Variants in ERO1A observed in about 807,000 individuals in gnomAD.
ERO1A encodes endoplasmic reticulum oxidoreductase 1 alpha.
ERO1A carries 49 observed loss-of-function variants against 76.9 expected under a neutral mutation model. That is an observed-to-expected ratio of 0.64 (90% CI 0.51 to 0.81). The LOEUF (loss-of-function observed/expected upper bound fraction) is 0.81. Among genes scored for constraint, ERO1A ranks in the 30% least tolerant of loss-of-function variants. The pLI is 0.00. For synonymous variants in ERO1A, 174 were observed against 181.2 expected, an observed-to-expected ratio of 0.96 and a Z score of 0.32; for missense variants, 448 against 542.1, an observed-to-expected ratio of 0.83 and a Z score of 1.72.
At chr14:52,658,209 CAA>C (rs748473341) in intron 9 of ERO1A, 59 bp from the exon 10 acceptor site, 2 of 1,274,636 alleles carry the variant, frequency 1.6e-6, no homozygotes, top group Non-Finnish European at 2.2e-6. Context: ...ACAAGTTTTT[CAA>C]AAGTTTTAAA....
intron 8 of ERO1A, among the ~76,000 whole-genome samples, chr14:52,663,559 C>T (rs1285940524): frequency 6.7e-6 from 1 of 149,854 alleles, no homozygotes; most frequent in Non-Finnish European, 1.5e-5. Context: ...AAAGTCACGC[C>T]ACTGCACTCC....
chr14:52,695,307 C>A, intron 1 of ERO1A, 61 bp downstream of exon 1: 2 of 1,162,850 alleles, frequency 1.7e-6, no homozygotes, highest in South Asian at 2.3e-5. Flanking sequence ...CCAGGGCGTG[C>A]GGGACAGTGC....
At chr14:52,653,407 T>G in intron 11 of ERO1A, 92 bp from the exon 12 acceptor site, 1 of 999,492 alleles carries the variant, frequency 1.0e-6, no homozygotes, top group Non-Finnish European at 1.4e-6. Context: ...GAAGTTAATT[T>G]CATTTTGCAT....
intron 4 of ERO1A, chr14:52,672,305 C>CA (rs998197444): frequency 1.4e-4 from 21 of 149,852 alleles, no homozygotes; most frequent in African/African-American, 3.2e-4. Flanking sequence ...GACTCCGTCT[C>CA]AAAAAAAAAG....
At chr14:52,665,202 T>C (rs760638389) in intron 7 of ERO1A, among the ~76,000 whole-genome samples, 2 of 148,518 alleles carry the variant, frequency 1.3e-5, no homozygotes, top group African/African-American at 2.5e-5. Flanking sequence ...CTCAGGAGGC[T>C]GAGGCAGGAG....
At chr14:52,685,387 T>C (rs1344083288) in intron 1 of ERO1A, among the ~76,000 whole-genome samples, 8 of 152,234 alleles carry the variant, frequency 5.3e-5, no homozygotes, top group Admixed American at 5.2e-4. Flanking sequence ...CTAAAAATTC[T>C]CTGAATACAC....
At chr14:52,687,499 G>A (rs1305472544) in intron 1 of ERO1A, among the ~76,000 whole-genome samples, 3 of 152,186 alleles carry the variant, frequency 2.0e-5, no homozygotes. Flanking sequence ...CACAGAACAG[G>A]ATCCGGGAAA....
chr14:52,677,756 G>A (rs568096820), intron 4 of ERO1A, among the ~76,000 whole-genome samples: 86 of 149,998 alleles, frequency 5.7e-4, no homozygotes, highest in Middle Eastern at 3.5e-3. Flanking sequence ...TCAGCTACTC[G>A]GAAAGCTGAG....
intron 12 of ERO1A, 90 bp downstream of exon 12, chr14:52,652,979 A>AG: frequency 1.1e-6 from 1 of 879,016 alleles, no homozygotes; most frequent in Non-Finnish European, 1.7e-6. Context: ...TGGGCAACAG[A>AG]GGGAGAGCCT....
chr14:52,640,508 G>C lies in ERO1A; in HGVS notation c.*3062C>G, dbSNP rs532597253. ...CCTTGTACACCAAACAGAGGAGTTT[G>C]GCTTTCTCCTGAAAGTTCCTGAAGT... is the stretch of plus-strand genomic sequence containing the variant. On this transcript the variant is annotated 3_prime_UTR_variant, in exon 16 of 16. Transcript: ENST00000395686. 1 of 152,356 alleles carries C rather than the reference G, an allele frequency of 6.6e-6. No homozygotes were observed. Among genetic ancestry groups the C allele is most frequent in the African/African-American group, 2.4e-5 (1 of 41,586 alleles). The allele number at this position is 152,356 out of a possible 1,614,324, so 9.4% of individuals were successfully genotyped here.
intron 1 of ERO1A, among the ~76,000 whole-genome samples, chr14:52,690,018 G>A (rs1197627426): frequency 6.6e-6 from 1 of 152,064 alleles, no homozygotes; most frequent in Non-Finnish European, 1.5e-5. Context: ...ACCAAACAAT[G>A]GGAAAGCACA....
In ERO1A at chr14:52,652,313, G is replaced by A. The variant is rs200196023; in HGVS notation, c.1056-5C>T. On this transcript the variant is annotated splice_region_variant and splice_polypyrimidine_tract_variant and intron_variant, in intron 12 of 15. Transcript: ENST00000395686. ...TCAAAATGCAAAGGAAATGACCTGC[G>A]TTTTAAAACAGAGAATATTCATTTT... 105 of 1,597,388 alleles carry A rather than the reference G, an allele frequency of 6.6e-5. No homozygotes were observed. Among genetic ancestry groups the A allele is most frequent in the African/African-American group, 4.2e-4 (31 of 74,638 alleles).
intron 3 of ERO1A, among the ~76,000 whole-genome samples, chr14:52,679,961 G>A (rs1405557222): frequency 1.3e-5 from 2 of 151,850 alleles, no homozygotes; most frequent in East Asian, 3.9e-4. Flanking sequence ...TCAGGAGGCT[G>A]AGGTGAGAGG....
At chr14:52,663,214 A>T (rs1164352875) in intron 8 of ERO1A, among the ~76,000 whole-genome samples, 1 of 152,198 alleles carries the variant, frequency 6.6e-6, no homozygotes, top group Non-Finnish European at 1.5e-5. Context: ...TAAAAAACTG[A>T]CATTTTACTA....
Position 52,671,843 on chromosome 14 carries a change from T to C in ERO1A, c.386A>G (p.Glu129Gly), listed in dbSNP as rs1205342591. ...AAGTCGTTCAGCTTGTTCACATTCT[T>C]CAATGAGATTATTGGCTTCTTCAGA... ...KYSEEANNLI[E>G]ECEQAERLGA... is the part of the protein sequence containing the mutation. The change falls in exon 5 of 16, where the codon GAA (glutamate) becomes GGA (glycine). Residue 129 changes from glutamate (E) to glycine (G), a missense_variant. Around this residue, in one of 2 missense-constraint regions of ERO1A, gnomAD observed 302 missense variants for 411.9 expected, o/e 0.73. Transcript: ENST00000395686. 6.2e-7 allele frequency: 1 copy of C among 1,605,870 alleles called. No homozygotes were observed. Among genetic ancestry groups the C allele is most frequent in the Non-Finnish European group, 8.5e-7 (1 of 1,175,618 alleles).
rs2039488186 is a variant in ERO1A, at chr14:52,641,889, C to CA, written c.*1680dup. The CA allele has an allele frequency of 2.0e-5, 3 of 152,316 alleles. No individual in the cohort carries two copies. The South Asian group carries it at 6.2e-4, about 32-fold the overall frequency. 9.4% of individuals were successfully genotyped at this position (152,316 alleles called of 1,614,324 possible). On this transcript the variant is annotated 3_prime_UTR_variant, in exon 16 of 16. Transcript: ENST00000395686. Reference sequence around the variant, plus strand: ...TATACTGAATACATATGCATACATTCATCCAACAAATATTTATTGGATACC... The same window carrying CA: ...TATACTGAATACATATGCATACATTCAATCCAACAAATATTTATTGGATACC...
At position 52,661,334 on chromosome 14, in the gene ERO1A, A is replaced by C. The variant is rs1053057708; in HGVS notation, c.677-30T>G. The C allele has an allele frequency of 2.1e-6, 3 of 1,417,860 alleles. No individual in the cohort carries two copies. In the African/African-American group the frequency reaches 4.4e-5, roughly 21 times the overall value. The allele number at this position is 1,417,860 out of a possible 1,614,324, so 87.8% of individuals were successfully genotyped here. A position where few individuals can be genotyped will look rare whatever the true frequency, so the allele number is the denominator to read the frequency against. ...AAAGCAAAACAAAATGTTTATTAAAATAAATTCCTTCCAGTGCCCCTTTTA... is the reference window on the plus strand; with the variant it reads ...AAAGCAAAACAAAATGTTTATTAAACTAAATTCCTTCCAGTGCCCCTTTTA... On this transcript the variant is annotated intron_variant, in intron 8 of 15. Transcript: ENST00000395686.
chr14:52,689,502 C>T (rs550692543), intron 1 of ERO1A, among the ~76,000 whole-genome samples: 1 of 150,962 alleles, frequency 6.6e-6, no homozygotes, highest in Non-Finnish European at 1.5e-5. Context: ...AATGAACTAT[C>T]CAAAAAAAAA....
Position 52,660,605 on chromosome 14 carries a change from TTC to T in ERO1A, c.688+686_688+687del, listed in dbSNP as rs146444333. Among the ~76,000 whole-genome samples the T allele has an allele frequency of 4.1e-3, 624 of 152,342 alleles. 2 individuals carry two copies. Among genetic ancestry groups the T allele is most frequent in the African/African-American group, 0.014 (594 of 41,588 alleles). ...ATAGCATTGTTATCAGACTTTAGTA[TTC>T]TGTTATTTAGACATAATGCAAAAGC... On this transcript the variant is annotated intron_variant, in intron 9 of 15. Transcript: ENST00000395686.
Sources: gnomAD v4.1 joint callset for allele counts (sites outside exome capture counted in the v4.1 genomes callset) on GRCh38, gnomAD v4.1.1 for gene constraint, gnomAD v4.1.1 regional missense constraint, MANE v1.5 for transcripts, NCBI Gene and HGNC (gene_info 2026-07-23, HGNC 2026-07-21) for gene names.